Variants in SEMA6D observed in about 807,000 individuals in gnomAD.
SEMA6D encodes semaphorin 6D, also known as semaphorin-6D.
SEMA6D carries 35 observed loss-of-function variants against 106.6 expected under a neutral mutation model. That is an observed-to-expected ratio of 0.33 (90% CI 0.25 to 0.44). The LOEUF (loss-of-function observed/expected upper bound fraction) is 0.44. SEMA6D is among the 20% of genes least tolerant of loss of function. The probability of loss-of-function intolerance (pLI) is 1.00; values close to 1 mark genes in which losing one functional copy is unlikely to be tolerated. For synonymous variants in SEMA6D, 499 were observed against 487.7 expected, an observed-to-expected ratio of 1.02 and a Z score of -0.31; for missense variants, 1,185 against 1,345.9, an observed-to-expected ratio of 0.88 and a Z score of 1.87.
intron 1 of SEMA6D, among the ~76,000 whole-genome samples, chr15:47,326,049 A>T (rs1379147118): frequency 6.6e-6 from 1 of 152,188 alleles, no homozygotes. Flanking sequence ...AGGGGTCCGA[A>T]TCAAAGCTGC....
At chr15:47,247,605 C>A (rs1205754638) in intron 1 of SEMA6D, among the ~76,000 whole-genome samples, 2 of 152,152 alleles carry the variant, frequency 1.3e-5, no homozygotes, top group African/African-American at 4.8e-5. Flanking sequence ...GATAAACATA[C>A]TCCTATTTGT....
chr15:47,540,097 G>A (rs2045308980), intron 3 of SEMA6D, among the ~76,000 whole-genome samples: 1 of 152,060 alleles, frequency 6.6e-6, no homozygotes, highest in African/African-American at 2.4e-5. Flanking sequence ...GAATATGGAT[G>A]TGTCTACTGC....
intron 3 of SEMA6D, among the ~76,000 whole-genome samples, chr15:47,587,716 T>C (rs546834168): frequency 6.6e-6 from 1 of 152,162 alleles, no homozygotes; most frequent in Non-Finnish European, 1.5e-5. Flanking sequence ...CAGTAAAACT[T>C]TATTTATAAA....
chr15:47,500,307 A>G (rs187035342), intron 3 of SEMA6D, among the ~76,000 whole-genome samples: 2,330 of 130,068 alleles, frequency 0.018, 26 homozygotes, highest in Non-Finnish European at 0.024. Context: ...TAAATTATAA[A>G]TGGGAAAAAA....
In SEMA6D at chr15:47,455,822, G is replaced by A. The variant is rs546813458; in HGVS notation, c.-158-14652G>A. Among the ~76,000 whole-genome samples, 12 of 152,000 alleles carry A rather than the reference G, an allele frequency of 7.9e-5. No homozygotes were observed. In the Middle Eastern group the frequency reaches 0.014, roughly 172 times the overall value. On this transcript the variant is annotated intron_variant, in intron 2 of 19. Coordinates refer to the SEMA6D transcript ENST00000558014. ...TCAGGAATGCTTACTTGCCCATGTG[G>A]CTTCAAGACCCTGGGAGAGATCCTG...
At chr15:47,359,523 C>T (rs899570645) in intron 1 of SEMA6D, 5 of 152,080 alleles carry the variant, frequency 3.3e-5, no homozygotes, top group Admixed American at 1.3e-4. Context: ...AAGCAGAATG[C>T]GTGTAAAAAC....
intron 1 of SEMA6D, among the ~76,000 whole-genome samples, chr15:47,284,219 T>G (rs2035256005): frequency 6.6e-6 from 1 of 152,224 alleles, no homozygotes; most frequent in African/African-American, 2.4e-5. Context: ...TTTGAACATC[T>G]GCCAGAAGAT....
intron 2 of SEMA6D, among the ~76,000 whole-genome samples, chr15:47,463,394 T>C (rs1161300956): frequency 6.6e-6 from 1 of 152,202 alleles, no homozygotes; most frequent in Non-Finnish European, 1.5e-5. Flanking sequence ...TTGACTCAAT[T>C]CGTATAGCCC....
intron 1 of SEMA6D, among the ~76,000 whole-genome samples, chr15:47,308,650 C>T (rs1478466372): frequency 6.6e-6 from 1 of 152,046 alleles, no homozygotes; most frequent in East Asian, 1.9e-4. Context: ...TTGACAATGC[C>T]GTGAAGAGTT....
At chr15:47,185,609 C>G (rs146282911) in intron 1 of SEMA6D, 1 of 152,244 alleles carries the variant, frequency 6.6e-6, no homozygotes, top group East Asian at 1.9e-4. Flanking sequence ...GCAATTTCCA[C>G]TCTACAAATG....
At chr15:47,701,764 G>A (rs1310773080) in intron 4 of SEMA6D, among the ~76,000 whole-genome samples, 7 of 152,190 alleles carry the variant, frequency 4.6e-5, no homozygotes, top group African/African-American at 1.7e-4. Context: ...CTGCTTTAGT[G>A]ATGATATATC....
intron 1 of SEMA6D, among the ~76,000 whole-genome samples, chr15:47,252,428 T>G (rs906593452): frequency 1.3e-5 from 2 of 152,102 alleles, no homozygotes; most frequent in Non-Finnish European, 1.5e-5. Context: ...TTTCTAACTA[T>G]CCTAAAATAC....
At chr15:47,743,751 G>T (rs1296234507) in intron 1 of SEMA6D, among the ~76,000 whole-genome samples, 1 of 152,164 alleles carries the variant, frequency 6.6e-6, no homozygotes, top group Non-Finnish European at 1.5e-5. Flanking sequence ...AGCTGAGTTT[G>T]CACTGGAATG....
chr15:47,758,213 C>T (rs1022953424), intron 1 of SEMA6D, among the ~76,000 whole-genome samples: 2 of 152,142 alleles, frequency 1.3e-5, no homozygotes, highest in Admixed American at 6.6e-5. Flanking sequence ...ATATACTTGA[C>T]TTGTACTTTA....
At chr15:47,332,695 G>C (rs1185622963) in intron 1 of SEMA6D, among the ~76,000 whole-genome samples, 1 of 152,188 alleles carries the variant, frequency 6.6e-6, no homozygotes, top group Non-Finnish European at 1.5e-5. Context: ...ATGGGTGAGA[G>C]AGGCATGCCT....
At chr15:47,591,960 A>C (rs904012645) in intron 3 of SEMA6D, among the ~76,000 whole-genome samples, 1 of 152,186 alleles carries the variant, frequency 6.6e-6, no homozygotes, top group African/African-American at 2.4e-5. Flanking sequence ...CACATACACC[A>C]CAAGACCCCA....
At chr15:47,677,972 A>G (rs2078277985) in intron 4 of SEMA6D, among the ~76,000 whole-genome samples, 1 of 152,190 alleles carries the variant, frequency 6.6e-6, no homozygotes, top group African/African-American at 2.4e-5. Flanking sequence ...CTCAATAGAA[A>G]AAAAGGGAGT....
At chr15:47,250,121 A>T (rs78374531) in intron 1 of SEMA6D, among the ~76,000 whole-genome samples, 10,321 of 152,268 alleles carry the variant, frequency 0.068, 1,289 homozygotes, top group East Asian at 0.6. Flanking sequence ...TCACTTTGTC[A>T]GATTTTTACT....
intron 1 of SEMA6D, among the ~76,000 whole-genome samples, chr15:47,265,265 T>G (rs1471385246): frequency 6.6e-6 from 1 of 151,920 alleles, no homozygotes; most frequent in African/African-American, 2.4e-5. Context: ...TATTTCTGGG[T>G]GGTTTTTTTA....
Sources: allele counts gnomAD v4.1 joint callset (sites outside exome capture counted in the v4.1 genomes callset), GRCh38; gene constraint gnomAD v4.1.1; transcripts MANE v1.5; gene names NCBI Gene and HGNC (gene_info 2026-07-23, HGNC 2026-07-21).